ZNF385D: variants seen among roughly 807,000 people sequenced by gnomAD.
The protein encoded by ZNF385D is zinc finger protein 385D.
A neutral mutation model predicts 35.8 loss-of-function variants in ZNF385D; 15 were observed. That is an observed-to-expected ratio of 0.42 (90% CI 0.28 to 0.64). The LOEUF is 0.64. Ranked by LOEUF, ZNF385D falls within the 30% of genes least tolerant of loss-of-function variation. ZNF385D has a pLI of 0.23. For missense variants in ZNF385D, 474 were observed against 494.6 expected (o/e 0.96, Z 0.39); for synonymous variants, 212 against 186.8 (o/e 1.13, Z -1.10).
chr3:21,425,663 C>T lies in ZNF385D; in HGVS notation c.681G>A (p.Lys227=). Residue 227 remains lysine (K), a synonymous_variant, in exon 6 of 8, where the codon AAG becomes AAA. Coordinates refer to ENST00000281523, the MANE Select transcript of ZNF385D (RefSeq NM_024697.3). Reference sequence around the variant, plus strand: ...TCCGGGCTTCTAACATGGTTTTGTGCTTAGTACCTGTCAGGAATATTGAAA... The same window carrying T: ...TCCGGGCTTCTAACATGGTTTTGTGTTTAGTACCTGTCAGGAATATTGAAA... ...SQLEAHNSGT[K]HKTMLEARNG... is the part of the protein sequence containing the mutation. 1.3e-6 allele frequency: 2 copies of T among 1,555,884 alleles called. No homozygotes were observed. The highest frequency in any genetic ancestry group is 1.7e-6 in the Non-Finnish European group (2 of 1,145,822).
chr3:21,551,832 G>A (rs2062577073), intron 3 of ZNF385D, among the ~76,000 whole-genome samples: 1 of 152,058 alleles, frequency 6.6e-6, no homozygotes, highest in Admixed American at 6.5e-5. Flanking sequence ...AAAGTTATCT[G>A]CAGGGCCAAA....
At chr3:21,830,669 T>C (rs946578298) in intron 3 of ZNF385D, among the ~76,000 whole-genome samples, 2 of 152,058 alleles carry the variant, frequency 1.3e-5, no homozygotes, top group Non-Finnish European at 1.5e-5. Flanking sequence ...TCTTTATTAG[T>C]AGAGTTGCGG....
rs779580558 is a variant in ZNF385D, at chr3:21,751,128, C to T, written c.-212G>A. ...ATCCCCGGCGGCTGGAGAGTGCGCT[C>T]GGGCTGCCTGCTGCACTGCCCATCC... On this transcript the variant is annotated 5_prime_UTR_variant, in exon 1 of 8. Coordinates refer to ENST00000281523, the MANE Select transcript of ZNF385D (RefSeq NM_024697.3). 2.8e-5 allele frequency: 41 copies of T among 1,460,552 alleles called. No individual in the cohort carries two copies. The highest frequency in any genetic ancestry group is 5.8e-5 in the South Asian group (4 of 69,298). 90.5% of individuals were successfully genotyped at this position (1,460,552 alleles called of 1,614,324 possible). A position where few individuals can be genotyped will look rare whatever the true frequency, so the allele number is the denominator to read the frequency against.
At chr3:21,775,402 A>C (rs1207658199) in intron 3 of ZNF385D, among the ~76,000 whole-genome samples, 1 of 151,854 alleles carries the variant, frequency 6.6e-6, no homozygotes, top group Non-Finnish European at 1.5e-5. Context: ...AGCTAAAAAA[A>C]ATTAAAAATA....
chr3:22,032,118 T>A (rs1559318157), intron 3 of ZNF385D, among the ~76,000 whole-genome samples: 1 of 152,210 alleles, frequency 6.6e-6, no homozygotes, highest in Non-Finnish European at 1.5e-5. Context: ...ATTGTCCCTA[T>A]TACTATAAGC....
At chr3:21,896,594 G>C (rs533263223) in intron 3 of ZNF385D, among the ~76,000 whole-genome samples, 20 of 152,160 alleles carry the variant, frequency 1.3e-4, no homozygotes, top group Non-Finnish European at 2.5e-4. Context: ...AGCTATAAAA[G>C]AGCTTCCTAT....
chr3:22,192,760 C>T (rs938730719), intron 2 of ZNF385D, among the ~76,000 whole-genome samples: 1 of 152,150 alleles, frequency 6.6e-6, no homozygotes, highest in Non-Finnish European at 1.5e-5. Context: ...TTCTTCAGCC[C>T]AGTCAAGACC....
chr3:21,450,729 A>G (rs1313822305), intron 4 of ZNF385D, among the ~76,000 whole-genome samples: 1 of 152,178 alleles, frequency 6.6e-6, no homozygotes, highest in Non-Finnish European at 1.5e-5. Context: ...ATGCTTAGAC[A>G]TTGAAAAAAA....
intron 3 of ZNF385D, among the ~76,000 whole-genome samples, chr3:21,821,348 A>T (rs950557379): frequency 3.9e-5 from 6 of 152,212 alleles, no homozygotes; most frequent in African/African-American, 1.4e-4. Context: ...TGATTATCCT[A>T]ATACTGGAAA....
chr3:21,637,588 C>T (rs1313475227), intron 2 of ZNF385D, among the ~76,000 whole-genome samples: 5 of 151,954 alleles, frequency 3.3e-5, no homozygotes, highest in Non-Finnish European at 7.4e-5. Flanking sequence ...TTTGGCTATG[C>T]GGGTAGAGTC....
rs1334846506 is a variant in ZNF385D, at chr3:21,823,114, A to G, written c.326-158086T>C. Among the ~76,000 whole-genome samples the G allele has an allele frequency of 2.6e-5, 4 of 152,202 alleles. No homozygotes were observed. In the East Asian group the frequency reaches 7.7e-4, roughly 29 times the overall value. ...TTGTCATACTGTATACATATTATAC[A>G]GTATACATATATTACAATATGTGTA... is the stretch of plus-strand genomic sequence containing the variant. On this transcript the variant is annotated intron_variant, in intron 3 of 5. Coordinates refer to the ZNF385D transcript ENST00000494108.
chr3:22,252,000 A>G (rs939163185), intron 2 of ZNF385D, among the ~76,000 whole-genome samples: 2 of 152,122 alleles, frequency 1.3e-5, no homozygotes, highest in African/African-American at 4.8e-5. Flanking sequence ...TAAACATTCA[A>G]TAAATGTTAT....
intron 3 of ZNF385D, among the ~76,000 whole-genome samples, chr3:21,953,041 T>A (rs1477041227): frequency 6.6e-6 from 1 of 152,020 alleles, no homozygotes; most frequent in Non-Finnish European, 1.5e-5. Flanking sequence ...AGTTTCTTTA[T>A]TTTCCAGCTT....
rs141798897 is a variant in ZNF385D, at chr3:22,343,193, C to T, written c.106+29257G>A. Among the ~76,000 whole-genome samples, 1,301 of 152,264 alleles carry T rather than the reference C, an allele frequency of 8.5e-3. 18 individuals are homozygous for T. Among genetic ancestry groups the T allele is most frequent in the African/African-American group, 0.03 (1,251 of 41,544 alleles). On this transcript the variant is annotated intron_variant, in intron 2 of 5. Coordinates refer to the ZNF385D transcript ENST00000494108. ...TAGATTGTATTGTATTTGTATTTGA[C>T]AGCATTGACATAAAAGAGCTAATTC... is the stretch of plus-strand genomic sequence containing the variant.
intron 4 of ZNF385D, among the ~76,000 whole-genome samples, chr3:21,478,840 T>C (rs1704412194): frequency 6.6e-6 from 1 of 152,100 alleles, no homozygotes; most frequent in Non-Finnish European, 1.5e-5. Context: ...GAAAGAAAGA[T>C]AACTTATTTT....
intron 3 of ZNF385D, among the ~76,000 whole-genome samples, chr3:21,786,904 G>A (rs1468971915): frequency 6.6e-6 from 1 of 151,988 alleles, no homozygotes; most frequent in African/African-American, 2.4e-5. Context: ...ATTATTTGGG[G>A]AATTATGCTA....
chr3:21,678,026 G>C (rs1237986326), intron 1 of ZNF385D, among the ~76,000 whole-genome samples: 1 of 151,958 alleles, frequency 6.6e-6, no homozygotes. Context: ...TTTCCAGTTG[G>C]CCTCAGAATC....
intron 3 of ZNF385D, among the ~76,000 whole-genome samples, chr3:21,810,994 G>GTATA (rs1426874955): frequency 0.023 from 2,516 of 108,462 alleles, 62 homozygotes; most frequent in African/African-American, 0.079. Context: ...GTGTGTGTGT[G>GTATA]TGTGTATATA....
At chr3:21,739,184 C>T (rs1050490546) in intron 1 of ZNF385D, among the ~76,000 whole-genome samples, 5 of 152,216 alleles carry the variant, frequency 3.3e-5, no homozygotes, top group Admixed American at 6.5e-5. Flanking sequence ...AAGTGGTAGA[C>T]TCTAGTCACT....
Sources: gnomAD v4.1 joint callset for allele counts (sites outside exome capture counted in the v4.1 genomes callset) on GRCh38, gnomAD v4.1.1 for gene constraint, MANE v1.5 for transcripts, NCBI Gene and HGNC (gene_info 2026-07-23, HGNC 2026-07-21) for gene names.